The following CELF2 variants were observed in gnomAD, a reference collection of about 807,000 sequenced individuals.
CELF2 encodes the protein CUG triplet repeat RNA-binding protein 2.
Under a neutral mutation model 62.6 loss-of-function variants are expected in CELF2, and 8 were observed. The ratio of observed to expected loss-of-function variants is 0.13; its 90% confidence interval spans 0.07 to 0.23. The LOEUF (loss-of-function observed/expected upper bound fraction) is 0.23, where lower values mean the gene tolerates loss of function less well. Ranked by LOEUF, CELF2 falls within the 10% of genes least tolerant of loss-of-function variation. The pLI, the probability that CELF2 is intolerant of heterozygous loss-of-function variation, is 1.00. For missense variants in CELF2, 333 were observed against 671.0 expected (o/e 0.50, Z 5.56); for synonymous variants, 258 against 250.0 (o/e 1.03, Z -0.30).
At chr10:11,104,115 T>G (rs747946934) in intron 1 of CELF2, among the ~76,000 whole-genome samples, 4 of 152,218 alleles carry the variant, frequency 2.6e-5, no homozygotes, top group Admixed American at 6.5e-5. Flanking sequence ...CTGTTCCTAT[T>G]AAACCATGTT....
In CELF2 at chr10:11,302,450, T is replaced by C. The variant is rs1443869603; in HGVS notation, c.977-11689T>C. On this transcript the variant is annotated intron_variant, in intron 9 of 12. Transcript: ENST00000633077. The surrounding 1 kb of genome is among the most constrained non-coding windows in gnomAD (Gnocchi z 5.0). ...GCCGATGCGGGCGAGGCTGTAACTT[T>C]ACAGTAACGATCTTCTCCATTAAAT... 1.3e-5 allele frequency among the ~76,000 whole-genome samples: 2 copies of C among 152,186 alleles called. No individual in the cohort carries two copies. The highest frequency in any genetic ancestry group is 2.4e-5 in the African/African-American group (1 of 41,440).
At chr10:10,493,612 G>A in the CELF2 span, among the ~76,000 whole-genome samples, 1 of 150,908 alleles carries the variant, frequency 6.6e-6, no homozygotes, top group Non-Finnish European at 1.5e-5. Context: ...GCTCACTGCA[G>A]CCTCCGCCTC....
intron 2 of CELF2, among the ~76,000 whole-genome samples, chr10:11,185,522 C>G (rs1021372484): frequency 1.3e-5 from 2 of 152,194 alleles, no homozygotes; most frequent in Non-Finnish European, 2.9e-5. Context: ...TCAAGTGATT[C>G]TCCTGCCTCA....
intron 1 of CELF2, among the ~76,000 whole-genome samples, chr10:11,158,745 C>A (rs1278974434): frequency 6.6e-6 from 1 of 152,106 alleles, no homozygotes; most frequent in Non-Finnish European, 1.5e-5. Context: ...TAGTTCTCTA[C>A]GAATTTTGGA....
chr10:11,130,948 T>C (rs1436559729), intron 1 of CELF2, among the ~76,000 whole-genome samples: 3 of 152,212 alleles, frequency 2.0e-5, no homozygotes, highest in Non-Finnish European at 4.4e-5. Flanking sequence ...TTTTAGTGCA[T>C]TTGCATATTA....
At chr10:10,980,572 G>C (rs2051967550) in intron 2 of CELF2, among the ~76,000 whole-genome samples, 1 of 152,122 alleles carries the variant, frequency 6.6e-6, no homozygotes, top group South Asian at 2.1e-4. Flanking sequence ...CAATCACCTT[G>C]CATCAACCTA....
chr10:11,075,502 G>A lies in CELF2; in HGVS notation c.74+57339G>A, dbSNP rs114503938. On this transcript the variant is annotated intron_variant, in intron 1 of 12. Transcript: ENST00000633077. The surrounding 1 kb of genome is among the most constrained non-coding windows in gnomAD (Gnocchi z 5.4). The stretch of plus-strand genomic sequence containing the variant: ...AGATGGTAATTGGATTCCCAAAACC[G>A]GTATGTTGAAGGTGTTTTATTCTAT... Among the ~76,000 whole-genome samples, 296 of 152,216 alleles carry A rather than the reference G, an allele frequency of 1.9e-3. 1 individual carries two copies. Among genetic ancestry groups the A allele is most frequent in the African/African-American group, 6.5e-3 (271 of 41,530 alleles).
At chr10:10,498,942 C>A in the CELF2 span, among the ~76,000 whole-genome samples, 17 of 152,230 alleles carry the variant, frequency 1.1e-4, no homozygotes, top group African/African-American at 4.1e-4. Flanking sequence ...TCCAGCTCTG[C>A]CTCATTCTCC....
At chr10:10,768,034 C>G in the CELF2 span, among the ~76,000 whole-genome samples, 2 of 144,792 alleles carry the variant, frequency 1.4e-5, no homozygotes, top group Non-Finnish European at 3.0e-5. Context: ...GGCGTGGTGA[C>G]GGGCGCCTGT....
intron 3 of CELF2, among the ~76,000 whole-genome samples, chr10:11,238,725 A>C (rs545640569): frequency 1.3e-5 from 2 of 152,222 alleles, no homozygotes; most frequent in Non-Finnish European, 2.9e-5. Flanking sequence ...TATAGTAAAA[A>C]TATTTCTAAG....
chr10:10,688,590 G>T, the CELF2 span, among the ~76,000 whole-genome samples: 5 of 152,168 alleles, frequency 3.3e-5, no homozygotes, highest in African/African-American at 1.2e-4. Flanking sequence ...ATTACTCCTT[G>T]ATCACCAGTT....
the CELF2 span, among the ~76,000 whole-genome samples, chr10:10,608,060 G>A: frequency 6.6e-6 from 1 of 152,132 alleles, no homozygotes; most frequent in Admixed American, 6.6e-5. Context: ...CCCAGGAGGT[G>A]GAGGTTGCAG....
chr10:10,675,226 C>T, the CELF2 span, among the ~76,000 whole-genome samples: 1 of 152,104 alleles, frequency 6.6e-6, no homozygotes, highest in South Asian at 2.1e-4. Flanking sequence ...CTTATTTCTC[C>T]CTCACTACTG....
chr10:10,932,643 G>A (rs1465387334), intron 2 of CELF2, among the ~76,000 whole-genome samples: 2 of 151,518 alleles, frequency 1.3e-5, no homozygotes, highest in African/African-American at 2.4e-5. Flanking sequence ...TTAGCAAAAT[G>A]TCTCTTACAT....
At chr10:10,750,007 G>A in the CELF2 span, among the ~76,000 whole-genome samples, 1 of 152,174 alleles carries the variant, frequency 6.6e-6, no homozygotes, top group Non-Finnish European at 1.5e-5. Flanking sequence ...CCATAGGCCG[G>A]GCGAGGCGGC....
the CELF2 span, among the ~76,000 whole-genome samples, chr10:10,497,433 A>G: frequency 1.3e-5 from 2 of 152,336 alleles, no homozygotes; most frequent in African/African-American, 4.8e-5. Context: ...GAACAACAAA[A>G]AAGACATGAT....
chr10:10,904,530 C>T (rs2063180981), intron 1 of CELF2, among the ~76,000 whole-genome samples: 1 of 152,150 alleles, frequency 6.6e-6, no homozygotes, highest in Non-Finnish European at 1.5e-5. Flanking sequence ...TGTGTCCAAC[C>T]CTCTCTATAT....
At chr10:10,616,429 C>G in the CELF2 span, among the ~76,000 whole-genome samples, 1 of 151,548 alleles carries the variant, frequency 6.6e-6, no homozygotes, top group Admixed American at 6.6e-5. Context: ...CTGGGCATTG[C>G]TTTGTATAGA....
At chr10:11,025,055 G>T (rs555846581) in intron 1 of CELF2, among the ~76,000 whole-genome samples, 14 of 152,164 alleles carry the variant, frequency 9.2e-5, no homozygotes, top group African/African-American at 3.4e-4. Context: ...CCCAAATTAT[G>T]TCTTCCTTTC....
Sources: gnomAD v4.1 joint callset for allele counts (sites outside exome capture counted in the v4.1 genomes callset) on GRCh38, gnomAD v4.1.1 for gene constraint, Gnocchi (gnomAD v3.1) non-coding constraint, MANE v1.5 for transcripts, NCBI Gene and HGNC (gene_info 2026-07-23, HGNC 2026-07-21) for gene names.